Variants in ARHGAP20 observed in about 807,000 individuals in gnomAD.
The protein encoded by ARHGAP20 is Rho GTPase activating protein 20, also known as rho GTPase-activating protein 20.
A neutral mutation model predicts 73.7 loss-of-function variants in ARHGAP20; 34 were observed. The observed-to-expected ratio is 0.46, with a 90% confidence interval of 0.35 to 0.61. ARHGAP20 has a LOEUF of 0.61. Ranked by LOEUF, ARHGAP20 falls within the 20% of genes least tolerant of loss-of-function variation. The pLI is 0.00. For synonymous variants in ARHGAP20, 523 were observed against 518.2 expected (o/e 1.01, Z -0.13); for missense variants, 1,314 against 1,420.9 (o/e 0.92, Z 1.21).
intron 2 of ARHGAP20, among the ~76,000 whole-genome samples, chr11:110,683,097 G>T (rs1298885192): frequency 3.3e-5 from 5 of 152,080 alleles, no homozygotes; most frequent in African/African-American, 1.2e-4. Flanking sequence ...ACTTAAAAGT[G>T]GTAACAGGTT....
In ARHGAP20 at chr11:110,703,476, T is replaced by C. The variant is rs554365496; in HGVS notation, c.105+8651A>G. Among the ~76,000 whole-genome samples, 7 of 151,434 alleles carry C rather than the reference T, an allele frequency of 4.6e-5. No homozygotes were observed. The South Asian group carries it at 1.5e-3, about 31-fold the overall frequency. Reference sequence around the variant, plus strand: ...CACTATATATATATATTCATTCATATATATGGATTCATTCATATATATTCA... The same window carrying C: ...CACTATATATATATATTCATTCATACATATGGATTCATTCATATATATTCA... On this transcript the variant is annotated intron_variant, in intron 1 of 14. Transcript: ENST00000683387.
intron 2 of ARHGAP20, among the ~76,000 whole-genome samples, chr11:110,678,055 C>A (rs1000114020): frequency 6.6e-6 from 1 of 152,124 alleles, no homozygotes; most frequent in East Asian, 1.9e-4. Context: ...CTGATACATG[C>A]TACAACATGG....
intron 2 of ARHGAP20, among the ~76,000 whole-genome samples, chr11:110,642,937 T>C (rs528094401): frequency 6.6e-6 from 1 of 152,244 alleles, no homozygotes; most frequent in South Asian, 2.1e-4. Flanking sequence ...TGGTAGGTTT[T>C]TTATTACTGC....
chr11:110,695,899 A>G (rs1319919024), intron 1 of ARHGAP20, among the ~76,000 whole-genome samples: 1 of 151,642 alleles, frequency 6.6e-6, no homozygotes, highest in African/African-American at 2.4e-5. Flanking sequence ...CATAACAGTA[A>G]AAACGTGGCA....
chr11:110,687,376 T>G (rs1024156203), intron 2 of ARHGAP20, among the ~76,000 whole-genome samples: 8 of 152,148 alleles, frequency 5.3e-5, no homozygotes, highest in African/African-American at 1.7e-4. Context: ...ACAGTTATTT[T>G]GAAACAAAAC....
intron 2 of ARHGAP20, 101 bp downstream of exon 2, chr11:110,690,446 A>G: frequency 1.7e-6 from 2 of 1,178,826 alleles, no homozygotes; most frequent in South Asian, 1.4e-5. Context: ...CTGATAACAA[A>G]CAACCTCTAC....
At chr11:110,649,660 T>C (rs1949306431) in intron 2 of ARHGAP20, among the ~76,000 whole-genome samples, 1 of 152,032 alleles carries the variant, frequency 6.6e-6, no homozygotes, top group Non-Finnish European at 1.5e-5. Context: ...TTCAGAGAGT[T>C]ACATTTTAGA....
rs534065983 is a variant in ARHGAP20, at chr11:110,638,889, T to C, written c.189-8097A>G. ...TGGGGAGGGATAGCATTAGGAGATA[T>C]ACCTAATGTTAAATGACAAGTTAAT... On this transcript the variant is annotated intron_variant, in intron 2 of 14. Transcript: ENST00000683387. Among the ~76,000 whole-genome samples the C allele has an allele frequency of 3.3e-5, 5 of 152,090 alleles. No individual in the cohort carries two copies. In the South Asian group the frequency reaches 6.2e-4, roughly 19 times the overall value.
At chr11:110,630,905 T>C (rs1158746241) in intron 2 of ARHGAP20, 113 bp from the exon 3 acceptor site, 4 of 1,072,876 alleles carry the variant, frequency 3.7e-6, no homozygotes, top group Non-Finnish European at 5.4e-6. Context: ...TAACTGGTCA[T>C]GAGTCTATTC....
At chr11:110,621,492 A>C (rs967070894) in intron 4 of ARHGAP20, among the ~76,000 whole-genome samples, 4 of 151,864 alleles carry the variant, frequency 2.6e-5, no homozygotes, top group African/African-American at 9.7e-5. Flanking sequence ...ATTTGTATTG[A>C]TAAATCTTCA....
intron 11 of ARHGAP20, among the ~76,000 whole-genome samples, chr11:110,588,941 G>C (rs546183717): frequency 1.3e-5 from 2 of 151,998 alleles, no homozygotes; most frequent in Admixed American, 1.3e-4. Flanking sequence ...GCGTGGTGTC[G>C]GGCAACTGTA....
chr11:110,676,477 A>G (rs1043461761), intron 2 of ARHGAP20, among the ~76,000 whole-genome samples: 25 of 152,272 alleles, frequency 1.6e-4, no homozygotes, highest in Admixed American at 1.2e-3. Context: ...AAAAGGGAAA[A>G]GTCCCTTATG....
Position 110,583,555 on chromosome 11 carries a change from G to T in ARHGAP20, c.1598C>A (p.Thr533Lys), listed in dbSNP as rs1455377771. The T allele has an allele frequency of 1.3e-6, 2 of 1,591,412 alleles. No individual in the cohort carries two copies. The highest frequency in any genetic ancestry group is 1.8e-5 in the Admixed American group (1 of 56,784). ...AATGAAAAACTTCATTACCTTTTTT[G>T]TAAATTCGTTTTCTAGTTCTGGGCT... ...SSSPELENEF[T>K]KKVSLLIQFL... Residue 533 changes from threonine to lysine, a missense_variant, in exon 13 of 15, where the codon ACA becomes AAA. This residue lies in a region of ARHGAP20 where 230 missense variants were observed against 317.6 expected (regional missense o/e 0.72). Transcript: ENST00000683387.
chr11:110,700,720 C>T (rs1016767927), intron 1 of ARHGAP20, among the ~76,000 whole-genome samples: 1 of 147,124 alleles, frequency 6.8e-6, no homozygotes, highest in African/African-American at 2.5e-5. Flanking sequence ...GGTATATCTT[C>T]CAGTGCTATC....
chr11:110,680,626 T>A (rs1407358576), intron 2 of ARHGAP20, among the ~76,000 whole-genome samples: 2 of 152,126 alleles, frequency 1.3e-5, no homozygotes, highest in Non-Finnish European at 2.9e-5. Flanking sequence ...AACCTAAAGT[T>A]GGAATTAAGA....
intron 2 of ARHGAP20, among the ~76,000 whole-genome samples, chr11:110,665,285 T>C (rs751139705): frequency 6.6e-6 from 1 of 152,090 alleles, no homozygotes; most frequent in Non-Finnish European, 1.5e-5. Flanking sequence ...TGAGTTTTCA[T>C]TGTAAGAAAC....
Position 110,645,497 on chromosome 11 carries a change from AG to A in ARHGAP20, c.189-14706del, listed in dbSNP as rs1309716298. Among the ~76,000 whole-genome samples, 3 of 152,196 alleles carry A rather than the reference AG, an allele frequency of 2.0e-5. No homozygotes were observed. The East Asian group carries it at 5.8e-4, about 29-fold the overall frequency. On this transcript the variant is annotated intron_variant, in intron 2 of 14. Coordinates refer to ENST00000683387, the MANE Select transcript of ARHGAP20 (RefSeq NM_001384657.1). ...AGATACTGGTGAGGCTACAGAGAAA[AG>A]GGAACACTTATACACTGTTGGTGGA...
rs1210924050 is a variant in ARHGAP20, at chr11:110,577,289, C to CAT, written c.*2079_*2080dup. 4 of 1,370,770 alleles carry CAT rather than the reference C, an allele frequency of 2.9e-6. No individual in the cohort carries two copies. Among genetic ancestry groups the CAT allele is most frequent in the Non-Finnish European group, 3.8e-6 (4 of 1,059,556 alleles). 84.9% of individuals were successfully genotyped at this position (1,370,770 alleles called of 1,614,324 possible). ...AGATTGATGGAGTATAATAAAATGA[C>CAT]ATATAGTCTGTCTTCAAATCATACA... On this transcript the variant is annotated 3_prime_UTR_variant, in exon 15 of 15. Coordinates refer to ENST00000683387, the MANE Select transcript of ARHGAP20 (RefSeq NM_001384657.1).
At chr11:110,645,743 G>C (rs1314187503) in intron 2 of ARHGAP20, among the ~76,000 whole-genome samples, 1 of 152,118 alleles carries the variant, frequency 6.6e-6, no homozygotes, top group African/African-American at 2.4e-5. Context: ...TGGTGGATTG[G>C]ATAAAGAAAA....
Sources: gnomAD v4.1 joint callset for allele counts (sites outside exome capture counted in the v4.1 genomes callset) on GRCh38, gnomAD v4.1.1 for gene constraint, gnomAD v4.1.1 regional missense constraint, MANE v1.5 for transcripts, NCBI Gene and HGNC (gene_info 2026-07-23, HGNC 2026-07-21) for gene names.